The following SLFN14 variants were observed in gnomAD, a reference collection of about 807,000 sequenced individuals.
The protein encoded by SLFN14 is schlafen family member 14.
A neutral mutation model predicts 58.6 loss-of-function variants in SLFN14; 47 were observed. The observed-to-expected ratio is 0.80, with a 90% CI of 0.64 to 1.02. The LOEUF (loss-of-function observed/expected upper bound fraction) is 1.02. SLFN14 is among the 50% of genes least tolerant of loss of function. The pLI is 0.00. For synonymous variants in SLFN14, 390 were observed against 387.3 expected, an observed-to-expected ratio of 1.01 and a Z score of -0.08; for missense variants, 967 against 1,078.4, an observed-to-expected ratio of 0.90 and a Z score of 1.45.
At position 35,548,715 on chromosome 17, in the gene SLFN14, A is replaced by G. The variant is rs1230055641; in HGVS notation, c.2263T>C (p.Ser755Pro). ...GCTAATGTGTCTGGAGACATGTTGG[A>G]GGGAGGATTTTCTTTGATCCTCTTC... ...EMKRIKENPP[S>P]NMSPDTLALF... Residue 755 changes from serine to proline, a missense_variant, in exon 6 of 6, where the codon TCC (serine) becomes CCC (proline). Coordinates refer to ENST00000674182, the MANE Select transcript of SLFN14 (RefSeq NM_001129820.2). 4 of 1,551,600 alleles carry G rather than the reference A, an allele frequency of 2.6e-6. No homozygotes were observed. The highest frequency in any genetic ancestry group is 3.5e-6 in the Non-Finnish European group (4 of 1,146,992).
At position 35,548,169 on chromosome 17, in the gene SLFN14, G is replaced by T; in HGVS notation, c.*70C>A. On this transcript the variant is annotated 3_prime_UTR_variant, in exon 6 of 6. Coordinates refer to ENST00000674182, the MANE Select transcript of SLFN14 (RefSeq NM_001129820.2). ...TTTCCTCACTTGTAATATTAAAATG[G>T]AGTCACTGCTACCTGTCTAGGAGAA... 2 of 1,375,650 alleles carry T rather than the reference G, an allele frequency of 1.5e-6. No individual in the cohort carries two copies. The highest frequency in any genetic ancestry group is 2.5e-5 in the East Asian group (1 of 39,976). 85.2% of individuals were successfully genotyped at this position (1,375,650 alleles called of 1,614,324 possible).
rs985086503 is a variant in SLFN14, at chr17:35,557,363, C to A, written c.700G>T (p.Ala234Ser). 11 of 1,551,576 alleles carry A rather than the reference C, an allele frequency of 7.1e-6. No individual in the cohort carries two copies. The Admixed American group carries it at 2.2e-4, about 30-fold the overall frequency. Residue 234 changes from alanine (A) to serine (S), a missense_variant, in exon 3 of 6, where the codon GCA becomes TCA. Ala to Ser is a moderately conservative substitution (Grantham distance 99). Transcript: ENST00000674182. ...IKEMLPHYVS[A>S]FANTQGGYVL... ...TATCCCCCTTGAGTGTTGGCAAATG[C>A]AGAAACATAATGAGGCAGCATTTCC...
chr17:35,557,119 T>A lies in SLFN14; in HGVS notation c.944A>T (p.Glu315Val). 6.4e-7 allele frequency: 1 copy of A among 1,551,690 alleles called. No individual in the cohort carries two copies. The highest frequency in any genetic ancestry group is 2.4e-5 in the East Asian group (1 of 40,922). Residue 315 changes from glutamate (E) to valine (V), a missense_variant, in exon 3 of 6, where the codon GAG (glutamate) becomes GTG (valine). Coordinates refer to ENST00000674182, the MANE Select transcript of SLFN14 (RefSeq NM_001129820.2). The part of the protein sequence containing the change: ...LDGYVCVIQV[E>V]PFCCVVFAEA... ...TGCAAACACCACGCAACAGAAGGGC[T>A]CCACTTGAATCACACAGACATAACC...
intron 3 of SLFN14, among the ~76,000 whole-genome samples, chr17:35,556,798 A>G (rs1267049855): frequency 1.3e-5 from 2 of 152,228 alleles, no homozygotes; most frequent in African/African-American, 2.4e-5. Flanking sequence ...TGTTTAGGCC[A>G]TAGAATCCAA....
intron 5 of SLFN14, among the ~76,000 whole-genome samples, chr17:35,549,871 T>G (rs147692436): frequency 6.6e-6 from 1 of 152,346 alleles, no homozygotes; most frequent in African/African-American, 2.4e-5. Context: ...ATAAAAGTAC[T>G]GATTCTTAGC....
In SLFN14 at chr17:35,548,392, TA is replaced by T. The variant is rs1392750863; in HGVS notation, c.2585del (p.Leu862Ter). On this transcript the variant is annotated frameshift_variant, in exon 6 of 6. Coordinates refer to ENST00000674182, the MANE Select transcript of SLFN14 (RefSeq NM_001129820.2). LOFTEE classifies it high-confidence loss of function. ...GGCCTGAAAATTGCTGAATACTGTC[TA>T]AAACAATGTGACTTCCCCAAACACC... ...ATGVWGSHIVLDSIQQFSGLE... is the reference protein window; with the variant it reads ...ATGVWGSHIVXDSIQQFSGLE... The T allele has an allele frequency of 3.2e-6, 5 of 1,551,746 alleles. No individual in the cohort carries two copies. Among genetic ancestry groups the T allele is most frequent in the Non-Finnish European group, 4.4e-6 (5 of 1,147,000 alleles).
chr17:35,554,486 G>A (rs2072630082), intron 4 of SLFN14, 90 bp downstream of exon 4: 2 of 1,148,336 alleles, frequency 1.7e-6, no homozygotes, highest in African/African-American at 1.6e-5. Context: ...CCTTCCCTAA[G>A]GAGAAACACC....
chr17:35,549,389 A>G (rs2072563927), intron 5 of SLFN14, among the ~76,000 whole-genome samples: 1 of 152,246 alleles, frequency 6.6e-6, no homozygotes, highest in Admixed American at 6.5e-5. Context: ...AGTTCATTAC[A>G]TCTAAAGGAA....
intron 5 of SLFN14, among the ~76,000 whole-genome samples, chr17:35,550,050 C>G (rs1165451734): frequency 6.6e-6 from 1 of 152,218 alleles, no homozygotes; most frequent in Non-Finnish European, 1.5e-5. Flanking sequence ...AACATCACCA[C>G]CTGCTGTATA....
chr17:35,554,403 CAT>C (rs987056673), intron 4 of SLFN14, among the ~76,000 whole-genome samples, 171 bp downstream of exon 4: 1 of 145,648 alleles, frequency 6.9e-6, no homozygotes, highest in South Asian at 2.1e-4. Context: ...TGTTTTCAGT[CAT>C]ATATATATTA....
At position 35,548,621 on chromosome 17, in the gene SLFN14, T is replaced by G; in HGVS notation, c.2357A>C (p.Lys786Thr). The change falls in exon 6 of 6, where the codon AAG becomes ACG. Residue 786 changes from lysine (K) to threonine (T), a missense_variant. By Grantham distance (78) the Lys-to-Thr change is moderately conservative. Coordinates refer to ENST00000674182, the MANE Select transcript of SLFN14 (RefSeq NM_001129820.2). ...AQALPGVCET[K>T]TNLTTEQIAN... ...TATTTGTTCTGTTGTCAGATTAGTC[T>G]TTGTCTCACACACCCCAGGCAGAGC... The G allele has an allele frequency of 6.4e-7, 1 of 1,551,774 alleles. No individual in the cohort carries two copies. The highest frequency in any genetic ancestry group is 8.7e-7 in the Non-Finnish European group (1 of 1,147,004).
At chr17:35,560,690 C>A (rs1240939665) in intron 1 of SLFN14, among the ~76,000 whole-genome samples, 77 bp downstream of exon 1, 1 of 152,006 alleles carries the variant, frequency 6.6e-6, no homozygotes, top group Admixed American at 6.6e-5. Flanking sequence ...TTACTAATCC[C>A]TCATGCCCTC....
In SLFN14 at chr17:35,557,814, A is replaced by C. The variant is rs2072668812; in HGVS notation, c.249T>G (p.Ser83=). The change falls in exon 3 of 6, where the codon TCT becomes TCG. Residue 83 remains serine, a synonymous_variant. Coordinates refer to ENST00000674182, the MANE Select transcript of SLFN14 (RefSeq NM_001129820.2). Reference sequence around the variant, plus strand: ...AACCTGAAGGAAGGAGCTTTTGAAAAGAAGTTTCCAAATCCTGTCCCAGCC... The same window carrying C: ...AACCTGAAGGAAGGAGCTTTTGAAACGAAGTTTCCAAATCCTGTCCCAGCC... ...CHGLGQDLET[S]FQKLLPSGSQ... is the part of the protein sequence containing the mutation. 6.4e-7 allele frequency: 1 copy of C among 1,551,748 alleles called. No homozygotes were observed. Among genetic ancestry groups the C allele is most frequent in the Admixed American group, 2.0e-5 (1 of 51,002 alleles).
At position 35,548,583 on chromosome 17, in the gene SLFN14, C is replaced by A; in HGVS notation, c.2395G>T (p.Ala799Ser). 2 of 1,551,734 alleles carry A rather than the reference C, an allele frequency of 1.3e-6. No individual in the cohort carries two copies. Among genetic ancestry groups the A allele is most frequent in the South Asian group, 1.2e-5 (1 of 84,062 alleles). Residue 799 changes from alanine (A) to serine (S), a missense_variant, in exon 6 of 6, where the codon GCA becomes TCA. Ala to Ser is a moderately conservative substitution (Grantham distance 99). Coordinates refer to ENST00000674182, the MANE Select transcript of SLFN14 (RefSeq NM_001129820.2). ...LTTEQIANYV[A>S]RKCHSLFQCG... is the part of the protein sequence containing the mutation. ...TGGAACAGGCTGTGACATTTTCTTGCCACATAGTTAGCTATTTGTTCTGTT... is the reference window on the plus strand; with the variant it reads ...TGGAACAGGCTGTGACATTTTCTTGACACATAGTTAGCTATTTGTTCTGTT...
Position 35,557,032 on chromosome 17 carries a change from C to T in SLFN14, c.1031G>A (p.Trp344Ter). ...NSVTRLTAEQ[W>*]VVMMLDTQSA... ...CTGAGTATCCAGCATCATGACCACC[C>T]ACTGCTCAGCTGTCAGCCGTGTGAC... Residue 344 changes from tryptophan (W) to a stop codon, truncating the protein, a stop_gained, in exon 3 of 6, where the codon TGG (tryptophan) becomes TAG (stop). Transcript: ENST00000674182. LOFTEE classifies it high-confidence loss of function. 6 of 1,551,570 alleles carry T rather than the reference C, an allele frequency of 3.9e-6. No individual in the cohort carries two copies. Among genetic ancestry groups the T allele is most frequent in the Non-Finnish European group, 5.2e-6 (6 of 1,146,926 alleles).
In SLFN14 at chr17:35,544,115, C is replaced by T. The variant is rs2072518213; in HGVS notation, c.*4124G>A. Among the ~76,000 whole-genome samples, 1 of 152,210 alleles carries T rather than the reference C, an allele frequency of 6.6e-6. No individual in the cohort carries two copies. Among genetic ancestry groups the T allele is most frequent in the Non-Finnish European group, 1.5e-5 (1 of 68,044 alleles). On this transcript the variant is annotated 3_prime_UTR_variant, in exon 6 of 6. Coordinates refer to ENST00000674182, the MANE Select transcript of SLFN14 (RefSeq NM_001129820.2). ...GAGTTCAAGTTGGATTCACATATCTCAGTGGCTGGTGGGCCACCCAGGGTA... is the reference window on the plus strand; with the variant it reads ...GAGTTCAAGTTGGATTCACATATCTTAGTGGCTGGTGGGCCACCCAGGGTA...
rs575874417 is a variant in SLFN14, at chr17:35,545,119, G to A, written c.*3120C>T. Among the ~76,000 whole-genome samples, 6 of 152,198 alleles carry A rather than the reference G, an allele frequency of 3.9e-5. No individual in the cohort carries two copies. In the East Asian group the frequency reaches 7.7e-4, roughly 20 times the overall value. On this transcript the variant is annotated 3_prime_UTR_variant, in exon 6 of 6. Coordinates refer to ENST00000674182, the MANE Select transcript of SLFN14 (RefSeq NM_001129820.2). ...TCATCATAGATCCTTAATTTGACCT[G>A]TTGCCTAAAAACAATTGAGTTGCCT... is the stretch of plus-strand genomic sequence containing the variant.
chr17:35,556,030 T>C (rs572915685), intron 3 of SLFN14, among the ~76,000 whole-genome samples: 1 of 151,814 alleles, frequency 6.6e-6, no homozygotes, highest in Admixed American at 6.6e-5. Flanking sequence ...ATTTTTATTT[T>C]TTTATTTTTA....
Position 35,553,296 on chromosome 17 carries a change from A to G in SLFN14, c.1338T>C (p.Val446=), listed in dbSNP as rs1283927529. The G allele has an allele frequency of 1.9e-5, 30 of 1,551,572 alleles. No homozygotes were observed. The highest frequency in any genetic ancestry group is 2.6e-5 in the Non-Finnish European group (30 of 1,146,996). ...VIFSRSWAGD[V]GFRKEQNVLC... ...GGACATTCTGTTCTTTCCTGAAGCC[A>G]ACATCACCAGCCCAGCTTCTAGAAA... The change falls in exon 5 of 6, where the codon GTT becomes GTC. Residue 446 remains valine (V), a synonymous_variant. Transcript: ENST00000674182.
Sources: gnomAD v4.1 joint callset for allele counts (sites outside exome capture counted in the v4.1 genomes callset) on GRCh38, gnomAD v4.1.1 for gene constraint, MANE v1.5 for transcripts, NCBI Gene and HGNC (gene_info 2026-07-23, HGNC 2026-07-21) for gene names.